The following NOX4 variants were observed in gnomAD, a reference collection of about 807,000 sequenced individuals.
NOX4 encodes kidney oxidase-1.
Under a neutral mutation model 87.6 loss-of-function variants are expected in NOX4, and 69 were observed. The ratio of observed to expected loss-of-function variants is 0.79; its 90% confidence interval spans 0.65 to 0.96. NOX4 has a LOEUF of 0.96. Ranked by LOEUF, NOX4 falls within the 40% of genes least tolerant of loss-of-function variation. The pLI, the probability that NOX4 is intolerant of heterozygous loss-of-function variation, is 0.00. For missense variants in NOX4, 680 were observed against 681.5 expected (o/e 1.00, Z 0.02); for synonymous variants, 275 against 238.2 (o/e 1.15, Z -1.42).
At chr11:89,486,278 A>ATTTATTTATTT in intron 2 of NOX4, among the ~76,000 whole-genome samples, 1 of 148,332 alleles carries the variant, frequency 6.7e-6, no homozygotes, top group African/African-American at 2.5e-5. Context: ...TATTTAAATA[A>ATTTATTTATTT]ATAAATAAAT....
intron 12 of NOX4, among the ~76,000 whole-genome samples, chr11:89,361,321 C>G (rs2135005010): frequency 6.6e-6 from 1 of 152,084 alleles, no homozygotes; most frequent in Non-Finnish European, 1.5e-5. Context: ...GAGCTGGAGG[C>G]CATTATTGTA....
At chr11:89,365,926 G>A (rs1379566490) in intron 12 of NOX4, among the ~76,000 whole-genome samples, 1 of 151,988 alleles carries the variant, frequency 6.6e-6, no homozygotes, top group Non-Finnish European at 1.5e-5. Context: ...TGTCTTGGCC[G>A]AAGACCAAGA....
chr11:89,439,073 T>G (rs1351990962), intron 6 of NOX4, among the ~76,000 whole-genome samples: 2 of 137,344 alleles, frequency 1.5e-5, no homozygotes, highest in Non-Finnish European at 3.1e-5. Context: ...AATAGTATAA[T>G]AATATTAGTG....
intron 7 of NOX4, among the ~76,000 whole-genome samples, chr11:89,427,835 C>T (rs1165814591): frequency 6.6e-6 from 1 of 152,158 alleles, no homozygotes. Flanking sequence ...CCTAGTAAGG[C>T]AGGCCAATAT....
intron 5 of NOX4, among the ~76,000 whole-genome samples, chr11:89,442,680 A>G (rs1179354671): frequency 6.6e-6 from 1 of 152,184 alleles, no homozygotes; most frequent in Non-Finnish European, 1.5e-5. Context: ...AGAAGCTTTC[A>G]CTTTTAACTT....
At chr11:89,440,065 A>G (rs1310742494) in intron 6 of NOX4, among the ~76,000 whole-genome samples, 1 of 152,176 alleles carries the variant, frequency 6.6e-6, no homozygotes, top group Non-Finnish European at 1.5e-5. Flanking sequence ...CCACAGCAGC[A>G]GGCACAAAGC....
upstream of NOX4, among the ~76,000 whole-genome samples, chr11:89,502,677 C>A (rs1047787078): frequency 6.6e-6 from 1 of 151,958 alleles, no homozygotes; most frequent in African/African-American, 2.4e-5. Context: ...AATTGAATTA[C>A]AACAATATGA....
Position 89,335,930 on chromosome 11 carries a change from T to C in NOX4, c.1531A>G (p.Lys511Glu), listed in dbSNP as rs1188200954. 1.3e-6 allele frequency: 2 copies of C among 1,594,296 alleles called. No individual in the cohort carries two copies. Among genetic ancestry groups the C allele is most frequent in the South Asian group, 2.3e-5 (2 of 86,378 alleles). ...TDGIQKIIGE[K>E]YHALNSRLFI... ...AGTCTTGAATTCAGTGCATGATATT[T>C]TTCTCCAATTATCTTCTGCCAAAAA... The change falls in exon 17 of 18, where the codon AAA becomes GAA. Residue 511 changes from lysine to glutamate, a missense_variant. Physicochemically the swap from Lys to Glu is moderately conservative, Grantham distance 56. Transcript: ENST00000263317.
rs1454085420 is a variant in NOX4 at position 89,438,445 on chromosome 11, A to G, written c.475+2243T>C. On this transcript the variant is annotated intron_variant, in intron 6 of 17. Transcript: ENST00000263317. The stretch of plus-strand genomic sequence containing the variant: ...TTATAATATAATATATACTATGTAT[A>G]TTATATAATATACAGCATATATATT... Among the ~76,000 whole-genome samples the G allele has an allele frequency of 2.3e-3, 241 of 102,600 alleles. 2 individuals carry two copies. Among genetic ancestry groups the G allele is most frequent in the African/African-American group, 0.01 (234 of 22,978 alleles). 67.3% of individuals were successfully genotyped at this position (102,600 alleles called of 152,430 possible).
At chr11:89,504,972 G>A in the NOX4 span, among the ~76,000 whole-genome samples, 8 of 151,830 alleles carry the variant, frequency 5.3e-5, no homozygotes, top group Non-Finnish European at 7.4e-5. Context: ...TGTCAAGCTG[G>A]GTTTTGGTTG....
intron 4 of NOX4, among the ~76,000 whole-genome samples, chr11:89,447,593 C>T (rs916512168): frequency 6.6e-6 from 1 of 152,128 alleles, no homozygotes; most frequent in Non-Finnish European, 1.5e-5. Context: ...GGTAATGTAG[C>T]CAAAGTCAGA....
At chr11:89,334,960 A>T (rs1945636812) in intron 17 of NOX4, among the ~76,000 whole-genome samples, 1 of 151,752 alleles carries the variant, frequency 6.6e-6, no homozygotes. Context: ...TCCAACTGCT[A>T]AAAGAAGAGT....
intron 13 of NOX4, among the ~76,000 whole-genome samples, chr11:89,343,461 ATT>A (rs879304108): frequency 2.8e-5 from 4 of 143,600 alleles, no homozygotes; most frequent in Non-Finnish European, 1.5e-5. Context: ...TTTTCATTTG[ATT>A]TTTTTTTTTT....
At chr11:89,537,363 ATCTC>A in the NOX4 span, among the ~76,000 whole-genome samples, 2 of 151,648 alleles carry the variant, frequency 1.3e-5, no homozygotes, top group South Asian at 2.1e-4. Context: ...TCTTTTTATA[ATCTC>A]TCTCAATAGT....
chr11:89,577,875 A>G, the NOX4 span, among the ~76,000 whole-genome samples: 4 of 152,300 alleles, frequency 2.6e-5, no homozygotes, highest in South Asian at 2.1e-4. Flanking sequence ...AGATTTTACA[A>G]TACTCTGAGA....
the NOX4 span, among the ~76,000 whole-genome samples, chr11:89,566,165 C>G: frequency 6.6e-6 from 1 of 151,766 alleles, no homozygotes; most frequent in African/African-American, 2.4e-5. Context: ...GCCTCAGCCT[C>G]CTGAGTAGCT....
At chr11:89,407,504 T>C (rs1392346652) in intron 8 of NOX4, among the ~76,000 whole-genome samples, 1 of 152,014 alleles carries the variant, frequency 6.6e-6, no homozygotes, top group African/African-American at 2.4e-5. Context: ...TTTTATGGAG[T>C]TTCAAAATTG....
At chr11:89,434,267 A>C (rs568125036) in intron 6 of NOX4, among the ~76,000 whole-genome samples, 2 of 152,154 alleles carry the variant, frequency 1.3e-5, no homozygotes, top group African/African-American at 2.4e-5. Context: ...TTCACTTATA[A>C]AGCACCACAT....
At chr11:89,480,566 C>T (rs760485021) in intron 2 of NOX4, among the ~76,000 whole-genome samples, 2 of 152,038 alleles carry the variant, frequency 1.3e-5, no homozygotes, top group African/African-American at 4.8e-5. Flanking sequence ...GGAAAGAAGA[C>T]GACTGACATT....
Sources: gnomAD v4.1 joint callset for allele counts (sites outside exome capture counted in the v4.1 genomes callset) on GRCh38, gnomAD v4.1.1 for gene constraint, MANE v1.5 for transcripts, NCBI Gene and HGNC (gene_info 2026-07-23, HGNC 2026-07-21) for gene names.